Variants in RIMBP2 observed in about 807,000 individuals in gnomAD.
RIMBP2 encodes the protein RIMS-binding protein 2.
A neutral mutation model predicts 118.6 loss-of-function variants in RIMBP2; 48 were observed. That is an observed-to-expected ratio of 0.40 (90% CI 0.32 to 0.51). RIMBP2 has a LOEUF of 0.51. Among genes scored for constraint, RIMBP2 ranks in the 20% least tolerant of loss-of-function variants. RIMBP2 has a pLI of 0.41. For synonymous variants in RIMBP2, 762 were observed against 742.9 expected, an observed-to-expected ratio of 1.03 and a Z score of -0.42; for missense variants, 1,551 against 1,768.3, an observed-to-expected ratio of 0.88 and a Z score of 2.20.
At chr12:130,410,679 G>C (rs547463741) in intron 19 of RIMBP2, among the ~76,000 whole-genome samples, 47 of 152,236 alleles carry the variant, frequency 3.1e-4, no homozygotes, top group African/African-American at 1.1e-3. Flanking sequence ...ATATGTGTTG[G>C]TCTGTTTCTG....
intron 2 of RIMBP2, among the ~76,000 whole-genome samples, chr12:130,567,159 C>A (rs1249162001): frequency 6.6e-6 from 1 of 152,150 alleles, no homozygotes; most frequent in African/African-American, 2.4e-5. Context: ...AGCAAGGAAG[C>A]TTTTGAGATG....
intron 1 of RIMBP2, among the ~76,000 whole-genome samples, chr12:130,696,144 C>T (rs1316220484): frequency 6.6e-6 from 1 of 152,190 alleles, no homozygotes; most frequent in Non-Finnish European, 1.5e-5. Flanking sequence ...TGCTCACGTC[C>T]CAGCCAGCAG....
At chr12:130,453,914 C>T (rs746814556) in intron 7 of RIMBP2, among the ~76,000 whole-genome samples, 15 of 152,142 alleles carry the variant, frequency 9.9e-5, no homozygotes, top group Middle Eastern at 6.8e-3. Flanking sequence ...ATTAGCCAGG[C>T]GCGGCGGTGC....
intron 2 of RIMBP2, among the ~76,000 whole-genome samples, chr12:130,588,746 G>A (rs570982406): frequency 6.6e-6 from 1 of 152,326 alleles, no homozygotes; most frequent in East Asian, 1.9e-4. Context: ...GTATTATCCT[G>A]TCATCTGTTG....
At chr12:130,542,568 T>C (rs956206016) in intron 2 of RIMBP2, among the ~76,000 whole-genome samples, 2 of 152,176 alleles carry the variant, frequency 1.3e-5, no homozygotes, top group African/African-American at 4.8e-5. Flanking sequence ...ACTTCACAGT[T>C]TTGAAGAACT....
intron 3 of RIMBP2, among the ~76,000 whole-genome samples, chr12:130,509,296 G>A (rs112896485): frequency 6.7e-4 from 102 of 152,256 alleles, no homozygotes; most frequent in Non-Finnish European, 1.1e-3. Flanking sequence ...ATGCCACCAG[G>A]TCCCCATAAA....
In RIMBP2 at chr12:130,683,374, C is replaced by T. The variant is rs1388299702; in HGVS notation, c.-352+32848G>A. Reference sequence around the variant, plus strand: ...GACACCCTGACCTCAGGCTTCCAGCCTCCAGAGCTGCGAGAGGATGCATTC... The same window carrying T: ...GACACCCTGACCTCAGGCTTCCAGCTTCCAGAGCTGCGAGAGGATGCATTC... On this transcript the variant is annotated intron_variant, in intron 1 of 22. Transcript: ENST00000690449. This position sits in a 1 kb window ranked among gnomAD's most constrained non-coding sequence, Gnocchi z 4.4. Among the ~76,000 whole-genome samples, 2 of 152,230 alleles carry T rather than the reference C, an allele frequency of 1.3e-5. No homozygotes were observed.
At chr12:130,574,456 A>C (rs2057934557) in intron 2 of RIMBP2, among the ~76,000 whole-genome samples, 1 of 152,182 alleles carries the variant, frequency 6.6e-6, no homozygotes, top group Admixed American at 6.5e-5. Flanking sequence ...ATGACATGAG[A>C]GAATTCTGGG....
chr12:130,641,875 C>A (rs1476784896), intron 1 of RIMBP2, among the ~76,000 whole-genome samples: 1 of 152,080 alleles, frequency 6.6e-6, no homozygotes. Context: ...AATGACAGCT[C>A]GCCAGGGCCA....
chr12:130,602,324 C>CT (rs2059924369), intron 2 of RIMBP2, among the ~76,000 whole-genome samples: 1 of 152,214 alleles, frequency 6.6e-6, no homozygotes, highest in African/African-American at 2.4e-5. Context: ...CCTAACCTAC[C>CT]TTATCCATTT....
intron 5 of RIMBP2, among the ~76,000 whole-genome samples, chr12:130,474,436 G>A (rs114188637): frequency 1.3e-5 from 2 of 152,340 alleles, no homozygotes; most frequent in African/African-American, 4.8e-5. Flanking sequence ...TTGCTGGGGA[G>A]CTCCTAGGTG....
intron 2 of RIMBP2, among the ~76,000 whole-genome samples, chr12:130,579,696 T>C (rs1268997139): frequency 6.6e-6 from 1 of 152,058 alleles, no homozygotes; most frequent in Non-Finnish European, 1.5e-5. Flanking sequence ...TAAAAGCACC[T>C]TATCTGTCCT....
At chr12:130,416,951 TA>T (rs1291981121) in intron 17 of RIMBP2, among the ~76,000 whole-genome samples, 2 of 151,332 alleles carry the variant, frequency 1.3e-5, no homozygotes, top group East Asian at 1.9e-4. Context: ...AAAATATAAA[TA>T]AAAAATATAT....
intron 2 of RIMBP2, among the ~76,000 whole-genome samples, chr12:130,580,320 TG>T (rs1191379605): frequency 2.0e-5 from 3 of 152,162 alleles, no homozygotes; most frequent in African/African-American, 4.8e-5. Flanking sequence ...GATTGAATCA[TG>T]GGGGTGGTTT....
intron 2 of RIMBP2, among the ~76,000 whole-genome samples, chr12:130,520,672 CA>C (rs1162018669): frequency 0.17 from 11,919 of 68,560 alleles, 301 homozygotes; most frequent in South Asian, 0.2. Context: ...AACTCCATCT[CA>C]AAAAAAAAAA....
At position 130,642,242 on chromosome 12, in the gene RIMBP2, G is replaced by A. The variant is rs111931842; in HGVS notation, c.-351-13786C>T. Among the ~76,000 whole-genome samples, 845 of 152,158 alleles carry A rather than the reference G, an allele frequency of 5.6e-3. 11 individuals carry two copies. Among genetic ancestry groups the A allele is most frequent in the East Asian group, 0.024 (125 of 5,148 alleles). Reference sequence around the variant, plus strand: ...ATGATGCCCCACACTCCAGGGAGAGGCCCTGGCTCCGGCTGGGACTCTGGG... The same window carrying A: ...ATGATGCCCCACACTCCAGGGAGAGACCCTGGCTCCGGCTGGGACTCTGGG... On this transcript the variant is annotated intron_variant, in intron 1 of 22. Transcript: ENST00000690449.
chr12:130,435,020 G>A (rs369462504), intron 13 of RIMBP2, 140 bp from the exon 14 acceptor site: 170 of 785,248 alleles, frequency 2.2e-4, no homozygotes, highest in Non-Finnish European at 2.7e-4. Context: ...CAGCTCTGCC[G>A]CCCTCTCGCT....
chr12:130,671,963 A>G (rs756754950), intron 1 of RIMBP2, among the ~76,000 whole-genome samples: 8 of 152,214 alleles, frequency 5.3e-5, no homozygotes, highest in Middle Eastern at 3.2e-3. Flanking sequence ...GAATCACATG[A>G]TGCTATGGTC....
chr12:130,490,430 G>C (rs1246008989), intron 4 of RIMBP2, among the ~76,000 whole-genome samples: 1 of 152,132 alleles, frequency 6.6e-6, no homozygotes, highest in Non-Finnish European at 1.5e-5. Context: ...AAAAATAAAT[G>C]GTTTTGATGC....
Sources: allele counts gnomAD v4.1 joint callset (sites outside exome capture counted in the v4.1 genomes callset), GRCh38; gene constraint gnomAD v4.1.1; non-coding constraint Gnocchi (gnomAD v3.1); transcripts MANE v1.5; gene names NCBI Gene and HGNC (gene_info 2026-07-23, HGNC 2026-07-21).